Variants in COLGALT1 observed in about 807,000 individuals in gnomAD.
COLGALT1 encodes the protein collagen beta(1-O)galactosyltransferase 1, also known as procollagen galactosyltransferase 1.
In COLGALT1, 43 loss-of-function variants were observed where a neutral mutation model predicts 60.8. The ratio of observed to expected loss-of-function variants is 0.71; its 90% CI spans 0.55 to 0.91. COLGALT1 has a LOEUF of 0.91. Ranked by LOEUF, COLGALT1 falls within the 40% of genes least tolerant of loss-of-function variation. The pLI is 0.00. For missense variants in COLGALT1, 845 were observed against 880.0 expected (o/e 0.96, Z 0.50); for synonymous variants, 369 against 374.2 (o/e 0.99, Z 0.16).
chr19:17,571,114 T>C (rs1455697713), intron 5 of COLGALT1, among the ~76,000 whole-genome samples: 19 of 151,970 alleles, frequency 1.3e-4, no homozygotes. Flanking sequence ...ATAGAAGAAA[T>C]TGACCAATTA....
intron 9 of COLGALT1, among the ~76,000 whole-genome samples, chr19:17,578,917 G>C (rs926998051): frequency 6.6e-6 from 1 of 152,164 alleles, no homozygotes; most frequent in African/African-American, 2.4e-5. Context: ...GACTGAGGCA[G>C]GAGAATCACT....
chr19:17,560,400 C>T lies in COLGALT1; in HGVS notation c.424C>T (p.His142Tyr). The change falls in exon 3 of 12, where the codon CAT becomes TAT. Residue 142 changes from histidine (H) to tyrosine (Y), a missense_variant. Physicochemically the swap from His to Tyr is moderately conservative, Grantham distance 83. Coordinates refer to ENST00000252599, the MANE Select transcript of COLGALT1 (RefSeq NM_024656.4). ...ACACTGGTCTGACTCACGCTACGAGCATGTCATGAAGTTGCGCCAGGCAGC... is the reference window on the plus strand; with the variant it reads ...ACACTGGTCTGACTCACGCTACGAGTATGTCATGAAGTTGCGCCAGGCAGC... ...PKHWSDSRYE[H>Y]VMKLRQAALK... is the part of the protein sequence containing the mutation. The T allele has an allele frequency of 5.6e-6, 9 of 1,614,176 alleles. No homozygotes were observed. The highest frequency in any genetic ancestry group is 1.3e-5 in the African/African-American group (1 of 75,050).
intron 6 of COLGALT1, among the ~76,000 whole-genome samples, chr19:17,575,054 T>C (rs1193614450): frequency 6.6e-6 from 1 of 151,912 alleles, no homozygotes; most frequent in Non-Finnish European, 1.5e-5. Flanking sequence ...TTGGTTTTTT[T>C]GGTTTTTATT....
At chr19:17,577,813 AG>A (rs1440716407) in intron 8 of COLGALT1, 143 bp from the exon 9 acceptor site, 2 of 1,098,678 alleles carry the variant, frequency 1.8e-6, no homozygotes, top group Non-Finnish European at 2.6e-6. Context: ...CAGGTGAGTG[AG>A]GCCCCATGTG....
chr19:17,567,635 G>A, intron 4 of COLGALT1, 95 bp downstream of exon 4: 1 of 1,424,212 alleles, frequency 7.0e-7, no homozygotes, highest in African/African-American at 1.4e-5. Context: ...CGTGGTGTGT[G>A]TTTTACAAAA....
At chr19:17,570,790 C>T (rs566536591) in intron 5 of COLGALT1, among the ~76,000 whole-genome samples, 19 of 152,122 alleles carry the variant, frequency 1.2e-4, no homozygotes, top group African/African-American at 4.6e-4. Context: ...GTCTCGAACT[C>T]CTGACCTCAG....
intron 2 of COLGALT1, 73 bp from the exon 3 acceptor site, chr19:17,560,275 C>A: frequency 8.0e-7 from 1 of 1,254,668 alleles, no homozygotes; most frequent in Non-Finnish European, 1.2e-6. Context: ...CTGAGTACCC[C>A]GAAGGCAGCT....
At chr19:17,580,276 C>T (rs1180627385) in intron 10 of COLGALT1, 2 of 232,520 alleles carry the variant, frequency 8.6e-6, no homozygotes, top group Non-Finnish European at 1.7e-5. Context: ...CTTCCTCCAT[C>T]TCTTTTTTCC....
chr19:17,562,390 C>T (rs574362133), intron 3 of COLGALT1, among the ~76,000 whole-genome samples: 9 of 152,162 alleles, frequency 5.9e-5, no homozygotes, highest in South Asian at 2.1e-4. Flanking sequence ...GGACCAGGCG[C>T]GGTGGCTCAT....
intron 3 of COLGALT1, among the ~76,000 whole-genome samples, chr19:17,564,906 C>T (rs1038262350): frequency 2.0e-5 from 3 of 152,178 alleles, no homozygotes; most frequent in Non-Finnish European, 4.4e-5. Flanking sequence ...CCCCATTCCT[C>T]TCCCCTAGGC....
rs1329284949 is a variant in COLGALT1 at position 17,581,407 on chromosome 19, A to C, written c.1832A>C (p.Gln611Pro). 1 of 1,611,506 alleles carries C rather than the reference A, an allele frequency of 6.2e-7. No individual in the cohort carries two copies. The highest frequency in any genetic ancestry group is 2.2e-5 in the East Asian group (1 of 44,888). The change falls in exon 12 of 12, where the codon CAG becomes CCG. Residue 611 changes from glutamine (Q) to proline (P), a missense_variant. Coordinates refer to ENST00000252599, the MANE Select transcript of COLGALT1 (RefSeq NM_024656.4). ...GAGGCCAAGAACTCGGACGTGCTCCAGTCCCCACTGGACAGTGCTGCCCGG... is the reference window on the plus strand; with the variant it reads ...GAGGCCAAGAACTCGGACGTGCTCCCGTCCCCACTGGACAGTGCTGCCCGG... ...SREAKNSDVL[Q>P]SPLDSAARDE...
intron 3 of COLGALT1, among the ~76,000 whole-genome samples, chr19:17,563,071 G>C (rs1450573430): frequency 6.6e-6 from 1 of 151,938 alleles, no homozygotes; most frequent in Non-Finnish European, 1.5e-5. Flanking sequence ...TTTTGCTTTT[G>C]TGGTTTGAGG....
Position 17,555,838 on chromosome 19 carries a change from G to T in COLGALT1, c.125G>T (p.Arg42Leu). The T allele has an allele frequency of 7.5e-7, 1 of 1,340,990 alleles. No individual in the cohort carries two copies. The highest frequency in any genetic ancestry group is 1.7e-5 in the South Asian group (1 of 57,362). 83.1% of individuals were successfully genotyped at this position (1,340,990 alleles called of 1,614,324 possible). A position where few individuals can be genotyped will look rare whatever the true frequency, so the allele number is the denominator to read the frequency against. The stretch of plus-strand genomic sequence containing the variant: ...GCCGACGCCTACTTCCCCGAGGAGC[G>T]CTGGAGCCCGGAGTCGCCCCTGCAG... Reference protein sequence around the residue: ...PGADAYFPEERWSPESPLQAP... With the variant: ...PGADAYFPEELWSPESPLQAP... The change falls in exon 1 of 12, where the codon CGC becomes CTC. Residue 42 changes from arginine to leucine, a missense_variant. Transcript: ENST00000252599.
rs1006607510 is a variant in COLGALT1, at chr19:17,559,403, G to A, written c.353G>A (p.Arg118Gln). The change falls in exon 2 of 12, where the codon CGG becomes CAG. Residue 118 changes from arginine to glutamine, a missense_variant. Coordinates refer to ENST00000252599, the MANE Select transcript of COLGALT1 (RefSeq NM_024656.4). ...VKSLYHSVEW[R>Q]PAEEPRSYPD... ...AGTTTGTACCATTCCGTGGAGTGGC[G>A]GCCAGCAGAGGAGCCCAGGTGAGCA... The A allele has an allele frequency of 1.7e-5, 26 of 1,551,678 alleles. No individual in the cohort carries two copies. Among genetic ancestry groups the A allele is most frequent in the East Asian group, 7.3e-5 (3 of 40,932 alleles).
intron 3 of COLGALT1, among the ~76,000 whole-genome samples, chr19:17,561,332 C>G (rs1039323385): frequency 1.3e-5 from 2 of 152,022 alleles, no homozygotes; most frequent in East Asian, 3.9e-4. Context: ...CTTCCTGCCT[C>G]GGCCTCCCAA....
At chr19:17,578,220 C>T in intron 9 of COLGALT1, 131 bp downstream of exon 9, 2 of 1,023,362 alleles carry the variant, frequency 2.0e-6, no homozygotes, top group Non-Finnish European at 2.7e-6. Flanking sequence ...GGACCCATGG[C>T]CTCTCTTTAG....
At chr19:17,572,767 C>T (rs2076320626) in intron 6 of COLGALT1, among the ~76,000 whole-genome samples, 165 bp downstream of exon 6, 2 of 152,336 alleles carry the variant, frequency 1.3e-5, no homozygotes, top group African/African-American at 2.4e-5. Flanking sequence ...GTTGTGTCTG[C>T]TCTCACAGAG....
intron 9 of COLGALT1, among the ~76,000 whole-genome samples, chr19:17,579,146 C>T (rs547098489): frequency 8.1e-5 from 12 of 147,830 alleles, no homozygotes; most frequent in South Asian, 4.3e-4. Context: ...CCAGCCTGGG[C>T]GACAGGGCGA....
Position 17,581,476 on chromosome 19 carries a change from C to T in COLGALT1, c.*32C>T, listed in dbSNP as rs111275079. 63 of 1,589,324 alleles carry T rather than the reference C, an allele frequency of 4.0e-5. 2 individuals carry two copies. The highest frequency in any genetic ancestry group is 2.9e-4 in the African/African-American group (22 of 74,876). ...GCAGCCAGAAAGCCAAAGCAGCCAT[C>T]GGTGGCCCAGGCTCCACGTGCTTAC... On this transcript the variant is annotated 3_prime_UTR_variant, in exon 12 of 12. Transcript: ENST00000252599.
Sources: gnomAD v4.1 joint callset for allele counts (sites outside exome capture counted in the v4.1 genomes callset) on GRCh38, gnomAD v4.1.1 for gene constraint, MANE v1.5 for transcripts, NCBI Gene and HGNC (gene_info 2026-07-23, HGNC 2026-07-21) for gene names.